Variants in ZNF292 observed in about 807,000 individuals in gnomAD.
ZNF292 encodes 16 zinc-finger domain protein.
ZNF292 carries 26 observed loss-of-function variants against 217.9 expected under a neutral mutation model. The observed-to-expected ratio is 0.12, with a 90% CI of 0.09 to 0.17. The LOEUF is 0.17. Ranked by LOEUF, ZNF292 falls within the 10% of genes least tolerant of loss-of-function variation. The pLI, the probability that ZNF292 is intolerant of heterozygous loss-of-function variation, is 1.00. For synonymous variants in ZNF292, 1,257 were observed against 1,124.1 expected (o/e 1.12, Z -2.37); for missense variants, 2,904 against 3,175.2 (o/e 0.91, Z 2.05).
chr6:87,239,472 C>A (rs62439540), intron 5 of ZNF292, among the ~76,000 whole-genome samples: 53,517 of 146,724 alleles, frequency 0.36, 9,978 homozygotes, highest in Admixed American at 0.51. Context: ...GATGGGGCGG[C>A]TGGCCGGGCG....
chr6:87,252,147 T>TG lies in ZNF292; in HGVS notation c.1021-2503_1021-2502insG, dbSNP rs1038290921. On this transcript the variant is annotated intron_variant, in intron 7 of 7. Transcript: ENST00000369577. ...CCTTTCTGTTTGTTGTTTGTTTTTTTTTTGTTTTTTGTGTTTTTTTTGAGA... is the reference window on the plus strand; with the variant it reads ...CCTTTCTGTTTGTTGTTTGTTTTTTTGTTTGTTTTTTGTGTTTTTTTTGAGA... Among the ~76,000 whole-genome samples the TG allele has an allele frequency of 2.4e-4, 37 of 151,896 alleles. 1 individual carries two copies. Among genetic ancestry groups the TG allele is most frequent in the African/African-American group, 8.2e-4 (34 of 41,296 alleles).
chr6:87,173,921 C>T (rs1771194659), intron 1 of ZNF292: 1 of 188,558 alleles, frequency 5.3e-6, no homozygotes, highest in African/African-American at 2.4e-5. Flanking sequence ...GCCAGTCTGA[C>T]TAGAAGACAC....
chr6:87,240,206 G>C (rs796777619), intron 5 of ZNF292, among the ~76,000 whole-genome samples: 1 of 152,108 alleles, frequency 6.6e-6, no homozygotes, highest in Non-Finnish European at 1.5e-5. Context: ...ATGAAAACCA[G>C]TCAGGCGTGG....
chr6:87,238,440 C>G (rs935475741), intron 5 of ZNF292, among the ~76,000 whole-genome samples: 1 of 149,952 alleles, frequency 6.7e-6, no homozygotes, highest in Non-Finnish European at 1.5e-5. Flanking sequence ...GAGTCGAGAT[C>G]GCACCATTGC....
At position 87,233,556 on chromosome 6, in the gene ZNF292, A is replaced by T; in HGVS notation, c.741+29A>T. On this transcript the variant is annotated intron_variant, in intron 5 of 7. Coordinates refer to ENST00000369577, the MANE Select transcript of ZNF292 (RefSeq NM_015021.3). ...AGTATGTTTTCTTTCATTAGTAATT[A>T]TTTTTTAAGTTGAGAAATTAATTTT... The T allele has an allele frequency of 2.5e-6, 4 of 1,573,214 alleles. No homozygotes were observed. In the South Asian group the frequency reaches 4.7e-5, roughly 19 times the overall value.
chr6:87,193,538 CAAAAAAA>C (rs981050787), intron 1 of ZNF292, among the ~76,000 whole-genome samples: 2 of 124,890 alleles, frequency 1.6e-5, no homozygotes, highest in African/African-American at 2.9e-5. Flanking sequence ...AGAGACCTTC[CAAAAAAA>C]AAAAAGAAAA....
At chr6:87,178,134 T>G (rs1429803017) in intron 1 of ZNF292, among the ~76,000 whole-genome samples, 1 of 152,236 alleles carries the variant, frequency 6.6e-6, no homozygotes, top group African/African-American at 2.4e-5. Context: ...TAGGCCTTCC[T>G]ATGCTACTAA....
intron 1 of ZNF292, among the ~76,000 whole-genome samples, chr6:87,189,207 AAAT>A (rs879616714): frequency 6.6e-6 from 1 of 152,108 alleles, no homozygotes; most frequent in African/African-American, 2.4e-5. Flanking sequence ...TCCAACTCAG[AAAT>A]AAATAAATAA....
chr6:87,159,784 T>G (rs992886764), intron 1 of ZNF292, among the ~76,000 whole-genome samples: 22 of 152,184 alleles, frequency 1.4e-4, no homozygotes, highest in African/African-American at 3.6e-4. Context: ...CGGCCCTGTC[T>G]CAGCCTTCTA....
At position 87,206,691 on chromosome 6, in the gene ZNF292, A is replaced by G. The variant is rs1271751465; in HGVS notation, c.169-9212A>G. The stretch of plus-strand genomic sequence containing the variant: ...TGGCTATTCTTTATTTTCTCTTTTT[A>G]AATGCAGCCAGTTTTGTTTTATTAC... On this transcript the variant is annotated intron_variant, in intron 1 of 7. Coordinates refer to ENST00000369577, the MANE Select transcript of ZNF292 (RefSeq NM_015021.3). Among the ~76,000 whole-genome samples, 5 of 152,146 alleles carry G rather than the reference A, an allele frequency of 3.3e-5. No individual in the cohort carries two copies. In the East Asian group the frequency reaches 9.6e-4, roughly 29 times the overall value.
Position 87,256,482 on chromosome 6 carries a change from T to C in ZNF292, c.2853T>C (p.Phe951=), listed in dbSNP as rs1267890124. ...VSLNQGIEDN[F]GKQENSTVEG... The stretch of plus-strand genomic sequence containing the variant: ...TCAATCAGGGGATTGAGGATAACTT[T>C]GGAAAGCAAGAAAACTCAACTGTGG... Residue 951 remains phenylalanine (F), a synonymous_variant, in exon 8 of 8, where the codon TTT becomes TTC. Coordinates refer to ENST00000369577, the MANE Select transcript of ZNF292 (RefSeq NM_015021.3). 6.2e-7 allele frequency: 1 copy of C among 1,610,704 alleles called. No homozygotes were observed. The highest frequency in any genetic ancestry group is 8.5e-7 in the Non-Finnish European group (1 of 1,179,804).
At chr6:87,185,079 T>C (rs547279678) in intron 1 of ZNF292, among the ~76,000 whole-genome samples, 2 of 152,322 alleles carry the variant, frequency 1.3e-5, no homozygotes, top group East Asian at 1.9e-4. Context: ...AGGTATTCCT[T>C]AATCCAGTCA....
intron 1 of ZNF292, among the ~76,000 whole-genome samples, chr6:87,178,685 G>A (rs979986268): frequency 2.0e-5 from 3 of 152,106 alleles, no homozygotes; most frequent in African/African-American, 7.2e-5. Context: ...GACCACTAAG[G>A]TACAGAGATG....
chr6:87,260,541 C>A lies in ZNF292; in HGVS notation c.6912C>A (p.Ser2304Arg), dbSNP rs1440342003. Residue 2304 changes from serine (S) to arginine (R), a missense_variant, in exon 8 of 8, where the codon AGC becomes AGA. Ser to Arg is a moderately radical substitution (Grantham distance 110). Around this residue, in one of 15 missense-constraint regions of ZNF292, gnomAD observed 101 missense variants for 89.5 expected, o/e 1.13. Coordinates refer to ENST00000369577, the MANE Select transcript of ZNF292 (RefSeq NM_015021.3). ...CACCAGGCCAGGAAAATATGTCAAG[C>A]AAGGCAAACCAAGAAAAATCAAAGT... ...RLTPGQENMS[S>R]KANQEKSKSK... The A allele has an allele frequency of 6.2e-7, 1 of 1,612,758 alleles. No homozygotes were observed. The highest frequency in any genetic ancestry group is 1.3e-5 in the African/African-American group (1 of 74,756).
In ZNF292 at chr6:87,258,344, C is replaced by T. The variant is rs1289888470; in HGVS notation, c.4715C>T (p.Thr1572Met). The T allele has an allele frequency of 4.3e-6, 7 of 1,613,450 alleles. No individual in the cohort carries two copies. The East Asian group carries it at 6.7e-5, about 15-fold the overall frequency. ...TGTAGCAGCTTGCCTGTTTTTCCAA[C>T]GAATGACTTACTACTGAAGACTGTT... ...EECSSLPVFP[T>M]NDLLLKTVEN... The change falls in exon 8 of 8, where the codon ACG becomes ATG. Residue 1572 changes from threonine (T) to methionine (M), a missense_variant. This residue lies in a region of ZNF292 where 622 missense variants were observed against 573.1 expected (regional missense o/e 1.09). Coordinates refer to ENST00000369577, the MANE Select transcript of ZNF292 (RefSeq NM_015021.3).
At chr6:87,183,970 C>T (rs1053990401) in intron 1 of ZNF292, among the ~76,000 whole-genome samples, 12 of 152,154 alleles carry the variant, frequency 7.9e-5, no homozygotes, top group Non-Finnish European at 1.3e-4. Context: ...TTTTGTCTTT[C>T]ACAAATACAG....
chr6:87,234,633 C>G (rs147539324), intron 5 of ZNF292, among the ~76,000 whole-genome samples: 1 of 151,724 alleles, frequency 6.6e-6, no homozygotes, highest in African/African-American at 2.4e-5. Flanking sequence ...TGAATGTGTA[C>G]GGGTGTCTTA....
At chr6:87,230,246 A>C (rs9444484) in intron 4 of ZNF292, among the ~76,000 whole-genome samples, 2 of 139,864 alleles carry the variant, frequency 1.4e-5, no homozygotes, top group African/African-American at 5.0e-5. Flanking sequence ...AAAGGAAATC[A>C]TGCAAATCTG....
At chr6:87,219,339 G>A (rs564556062) in intron 4 of ZNF292, among the ~76,000 whole-genome samples, 77 of 152,212 alleles carry the variant, frequency 5.1e-4, no homozygotes, top group African/African-American at 1.7e-3. Context: ...TTAGGAAAAT[G>A]TGCCCAAATA....
Sources: gnomAD v4.1 joint callset for allele counts (sites outside exome capture counted in the v4.1 genomes callset) on GRCh38, gnomAD v4.1.1 for gene constraint, gnomAD v4.1.1 regional missense constraint, MANE v1.5 for transcripts, NCBI Gene and HGNC (gene_info 2026-07-23, HGNC 2026-07-21) for gene names.